ALDH1L2: variants seen among roughly 807,000 people sequenced by gnomAD.
ALDH1L2 encodes mitochondrial 10-formyltetrahydrofolate dehydrogenase.
In ALDH1L2, 91 loss-of-function variants were observed where a neutral mutation model predicts 111.0. The observed-to-expected ratio is 0.82, with a 90% CI of 0.69 to 0.98. The LOEUF is 0.98. Among genes scored for constraint, ALDH1L2 ranks in the 50% least tolerant of loss-of-function variants. The pLI is 0.00. For missense variants in ALDH1L2, 995 were observed against 1,126.8 expected, an observed-to-expected ratio of 0.88 and a Z score of 1.67; for synonymous variants, 374 against 392.6, an observed-to-expected ratio of 0.95 and a Z score of 0.56.
chr12:105,051,837 T>C (rs1372701548), intron 12 of ALDH1L2, among the ~76,000 whole-genome samples: 2 of 148,898 alleles, frequency 1.3e-5, no homozygotes, highest in East Asian at 3.9e-4. Flanking sequence ...CAGGCTGGAG[T>C]GCAGTGGTGC....
intron 2 of ALDH1L2, chr12:105,072,374 G>C (rs1877788547): frequency 6.6e-6 from 1 of 151,718 alleles, no homozygotes; most frequent in Non-Finnish European, 1.5e-5. Context: ...AAAATTCATT[G>C]ACTTAGGATG....
Position 105,020,798 on chromosome 12 carries a change from A to C in ALDH1L2, c.*3626T>G, listed in dbSNP as rs767852465. 1.3e-5 allele frequency: 2 copies of C among 152,246 alleles called. No individual in the cohort carries two copies. Among genetic ancestry groups the C allele is most frequent in the Non-Finnish European group, 2.9e-5 (2 of 68,054 alleles). The allele number at this position is 152,246 out of a possible 1,614,324, so 9.4% of individuals were successfully genotyped here. The stretch of plus-strand genomic sequence containing the variant: ...ATGGACAAGAGTTGCAGGAAGAGGC[A>C]GTGGTGTGCTGGTGCTGGCTTGCAT... On this transcript the variant is annotated 3_prime_UTR_variant, in exon 23 of 23. Transcript: ENST00000258494.
chr12:105,064,140 T>C (rs1877200381), intron 6 of ALDH1L2, among the ~76,000 whole-genome samples: 1 of 127,974 alleles, frequency 7.8e-6, no homozygotes, highest in Non-Finnish European at 1.6e-5. Context: ...TTTTTTTTTT[T>C]TTTTTTTTTT....
chr12:105,032,070 G>T (rs960139577), intron 19 of ALDH1L2, 136 bp from the exon 20 acceptor site: 5 of 815,054 alleles, frequency 6.1e-6, no homozygotes, highest in South Asian at 2.9e-5. Flanking sequence ...GAGGTAGGTG[G>T]TTGGTTTTTT....
At chr12:105,073,249 G>A (rs947444100) in intron 2 of ALDH1L2, among the ~76,000 whole-genome samples, 3 of 152,082 alleles carry the variant, frequency 2.0e-5, no homozygotes, top group Non-Finnish European at 4.4e-5. Flanking sequence ...AGGTCATACA[G>A]CTAGTAAGTG....
chr12:105,061,158 C>A, intron 8 of ALDH1L2, 86 bp from the exon 9 acceptor site: 2 of 1,134,922 alleles, frequency 1.8e-6, no homozygotes, highest in Non-Finnish European at 1.3e-6. Flanking sequence ...AAACCAATTC[C>A]CTCTTCATCT....
chr12:105,039,187 T>G (rs1459020620), intron 17 of ALDH1L2, among the ~76,000 whole-genome samples: 3 of 152,242 alleles, frequency 2.0e-5, no homozygotes, highest in Admixed American at 6.5e-5. Context: ...TTATTTTTAT[T>G]TCCATTTATT....
At chr12:105,070,892 A>G in intron 2 of ALDH1L2, 88 bp from the exon 3 acceptor site, 12 of 1,116,752 alleles carry the variant, frequency 1.1e-5, no homozygotes, top group Non-Finnish European at 1.4e-5. Flanking sequence ...TTACAGTTTC[A>G]TGAAATATTT....
rs1874876235 is a variant in ALDH1L2 at position 105,034,537 on chromosome 12, G to A, written c.2146-139C>T. 4.8e-5 allele frequency: 32 copies of A among 666,946 alleles called. No homozygotes were observed. The East Asian group carries it at 9.7e-4, about 20-fold the overall frequency. 41.3% of individuals were successfully genotyped at this position (666,946 alleles called of 1,614,324 possible). On this transcript the variant is annotated intron_variant, in intron 18 of 22. Transcript: ENST00000258494. ...AGTCACAGACAATCCTCTTGGCCTT[G>A]TTAGTGATGAGAGCTTCTTGGAGAT... is the stretch of plus-strand genomic sequence containing the variant.
chr12:105,070,259 G>A (rs550554909), intron 3 of ALDH1L2, among the ~76,000 whole-genome samples: 2 of 152,324 alleles, frequency 1.3e-5, no homozygotes, highest in South Asian at 2.1e-4. Context: ...CCTGGTTCAC[G>A]CTGTATGTCT....
chr12:105,046,149 TTCTCTCTCTCTCTCTCTCTCTCTCTC>T (rs541003101), intron 15 of ALDH1L2, among the ~76,000 whole-genome samples: 10 of 35,992 alleles, frequency 2.8e-4, no homozygotes, highest in African/African-American at 1.1e-3. Context: ...CTTCTACATC[TTCTCTCTCTCTCTCTCTCTCTCTCTC>T]TCTCTCTCTC....
intron 15 of ALDH1L2, among the ~76,000 whole-genome samples, chr12:105,041,147 A>G (rs1419578014): frequency 3.9e-5 from 6 of 152,264 alleles, no homozygotes; most frequent in African/African-American, 1.4e-4. Flanking sequence ...GACCATATTC[A>G]GATTTCACCA....
intron 15 of ALDH1L2, among the ~76,000 whole-genome samples, 173 bp downstream of exon 15, chr12:105,046,537 A>C (rs1335106462): frequency 1.3e-5 from 2 of 152,038 alleles, no homozygotes; most frequent in Non-Finnish European, 2.9e-5. Context: ...CATACAATGT[A>C]TTAGGTAGCT....
chr12:105,075,221 G>T (rs1450587648), intron 1 of ALDH1L2, among the ~76,000 whole-genome samples: 1 of 152,174 alleles, frequency 6.6e-6, no homozygotes, highest in East Asian at 1.9e-4. Context: ...GTAATGTGCC[G>T]CTCGGCTGTC....
At chr12:105,037,572 A>C (rs889055313) in intron 18 of ALDH1L2, among the ~76,000 whole-genome samples, 21 of 152,176 alleles carry the variant, frequency 1.4e-4, no homozygotes, top group African/African-American at 4.8e-4. Flanking sequence ...GCTATGACTC[A>C]TATCCTGTTT....
At chr12:105,069,788 T>A (rs1228300317) in intron 3 of ALDH1L2, among the ~76,000 whole-genome samples, 1 of 152,182 alleles carries the variant, frequency 6.6e-6, no homozygotes, top group Non-Finnish European at 1.5e-5. Context: ...AAGGCCCACC[T>A]CAACCCACAG....
At chr12:105,038,284 ACAC>A in intron 17 of ALDH1L2, 82 bp from the exon 18 acceptor site, 1 of 63,766 alleles carries the variant, frequency 1.6e-5, no homozygotes, top group Non-Finnish European at 2.7e-5. Flanking sequence ...ACACAAACAC[ACAC>A]ACACACACAC....
rs1280481687 is a variant in ALDH1L2 at position 105,064,257 on chromosome 12, C to T, written c.786+1010G>A. Among the ~76,000 whole-genome samples, 4 of 150,964 alleles carry T rather than the reference C, an allele frequency of 2.6e-5. No individual in the cohort carries two copies. In the Admixed American group the frequency reaches 2.7e-4, roughly 10 times the overall value. On this transcript the variant is annotated intron_variant, in intron 6 of 22. Coordinates refer to ENST00000258494, the MANE Select transcript of ALDH1L2 (RefSeq NM_001034173.4). Reference sequence around the variant, plus strand: ...TCGGCCTCCCAAAGTGCTGGGATTACAGGTGTGAGCCACCATGGCTGGCCA... The same window carrying T: ...TCGGCCTCCCAAAGTGCTGGGATTATAGGTGTGAGCCACCATGGCTGGCCA...
rs780883635 is a variant in ALDH1L2 at position 105,068,833 on chromosome 12, A to T, written c.480T>A (p.Asp160Glu). The change falls in exon 4 of 23, where the codon GAT becomes GAA. Residue 160 changes from aspartate to glutamate, a missense_variant. Coordinates refer to ENST00000258494, the MANE Select transcript of ALDH1L2 (RefSeq NM_001034173.4). ...KKAGFSVFWA[D>E]DGLDTGPILL... ...GGATGGGTCCTGTATCCAAGCCATC[A>T]TCAGCCCAGAAAACAGAAAACCCAG... 1.9e-6 allele frequency: 3 copies of T among 1,603,526 alleles called. No individual in the cohort carries two copies. The highest frequency in any genetic ancestry group is 1.7e-4 in the Middle Eastern group (1 of 6,032).
Sources: allele counts gnomAD v4.1 joint callset (sites outside exome capture counted in the v4.1 genomes callset), GRCh38; gene constraint gnomAD v4.1.1; transcripts MANE v1.5; gene names NCBI Gene and HGNC (gene_info 2026-07-23, HGNC 2026-07-21).